The following DST variants were observed in gnomAD, a reference collection of about 807,000 sequenced individuals.
The protein encoded by DST is dystonin, also known as bullous pemphigoid antigen.
DST carries 253 observed loss-of-function variants against 875.2 expected under a neutral mutation model. That is an observed-to-expected ratio of 0.29 (90% CI 0.26 to 0.32). DST has a LOEUF of 0.32. Ranked by LOEUF, DST falls within the 10% of genes least tolerant of loss-of-function variation. DST has a pLI of 1.00. For missense variants in DST, 8,287 were observed against 9,111.6 expected (o/e 0.91, Z 3.68); for synonymous variants, 3,124 against 3,197.1 (o/e 0.98, Z 0.77).
intron 9 of DST, among the ~76,000 whole-genome samples, chr6:56,691,339 T>C (rs1160483496): frequency 6.6e-6 from 1 of 152,142 alleles, no homozygotes; most frequent in African/African-American, 2.4e-5. Context: ...ACAGAACTGA[T>C]GGCATAATAT....
intron 4 of DST, among the ~76,000 whole-genome samples, chr6:56,815,296 T>C (rs935095226): frequency 1.3e-5 from 2 of 152,136 alleles, no homozygotes; most frequent in Non-Finnish European, 2.9e-5. Context: ...ATGTGCAGTA[T>C]ATATAAGACT....
intron 5 of DST, among the ~76,000 whole-genome samples, chr6:56,712,039 C>A (rs1009671611): frequency 7.0e-6 from 1 of 143,644 alleles, no homozygotes; most frequent in Non-Finnish European, 1.5e-5. Flanking sequence ...TGCAGTGAGC[C>A]GAGATCCCGC....
chr6:56,562,482 TTG>T (rs1411581015), intron 55 of DST, among the ~76,000 whole-genome samples: 1 of 151,790 alleles, frequency 6.6e-6, no homozygotes, highest in African/African-American at 2.4e-5. Flanking sequence ...TGAAGTTGCT[TTG>T]TGTTTTATCC....
chr6:56,691,749 T>G (rs1205925822), intron 9 of DST, among the ~76,000 whole-genome samples: 1 of 152,178 alleles, frequency 6.6e-6, no homozygotes, highest in South Asian at 2.1e-4. Flanking sequence ...TTCCTAGTAG[T>G]CTGTGTCATT....
At chr6:56,832,043 G>A (rs76758215) in intron 4 of DST, among the ~76,000 whole-genome samples, 3,797 of 152,194 alleles carry the variant, frequency 0.025, 176 homozygotes, top group African/African-American at 0.087. Context: ...TATAAGTACA[G>A]GTCTTTTTCC....
intron 4 of DST, among the ~76,000 whole-genome samples, chr6:56,788,592 T>C (rs1363969728): frequency 6.6e-6 from 1 of 152,236 alleles, no homozygotes; most frequent in Non-Finnish European, 1.5e-5. Flanking sequence ...AAGAGAAATA[T>C]TTTGTTACAG....
Position 56,625,233 on chromosome 6 carries a change from G to T in DST, c.4754C>A (p.Ala1585Asp). 1 of 1,612,926 alleles carries T rather than the reference G, an allele frequency of 6.2e-7. No homozygotes were observed. Among genetic ancestry groups the T allele is most frequent in the Non-Finnish European group, 8.5e-7 (1 of 1,179,134 alleles). The change falls in exon 35 of 104, where the codon GCC (alanine) becomes GAC (aspartate). Residue 1585 changes from alanine to aspartate, a missense_variant. By Grantham distance (126) the Ala-to-Asp change is moderately radical (BLOSUM62 -2). This residue lies in a region of DST where 3,138 missense variants were observed against 3,116.6 expected (regional missense o/e 1.01). Coordinates refer to ENST00000680361, the MANE Select transcript of DST (RefSeq NM_001374736.1). ...DYELQTMTYR[A>D]MVDSQQKSPV... is the part of the protein sequence containing the mutation. ...AGATTTTTGTTGTGAATCTACCATG[G>T]CCCGGTAGGTCATTGTTTGTAATTC...
At chr6:56,646,254 A>G (rs1449898255) in intron 13 of DST, 72 bp from the exon 14 acceptor site, 3 of 836,916 alleles carry the variant, frequency 3.6e-6, no homozygotes, top group East Asian at 5.4e-5. Context: ...CTAAGCCACC[A>G]CTTCAAGTGT....
chr6:56,682,624 C>T (rs1238997681), intron 9 of DST, among the ~76,000 whole-genome samples: 1 of 152,142 alleles, frequency 6.6e-6, no homozygotes, highest in Admixed American at 6.5e-5. Flanking sequence ...TGAGAATCTG[C>T]AAGGAGGGAA....
intron 10 of DST, among the ~76,000 whole-genome samples, chr6:56,669,632 C>T (rs1204187657): frequency 1.3e-5 from 2 of 150,968 alleles, no homozygotes; most frequent in Non-Finnish European, 2.9e-5. Context: ...ATATAATTTT[C>T]AATAAATACT....
chr6:56,507,259 A>C, intron 75 of DST, among the ~76,000 whole-genome samples: 1 of 152,228 alleles, frequency 6.6e-6, no homozygotes, highest in East Asian at 1.9e-4. Context: ...GTAAGGTACA[A>C]AGATACCACA....
At position 56,603,793 on chromosome 6, in the gene DST, G is replaced by T. The variant is rs1168042841; in HGVS notation, c.10791+44C>A. The T allele has an allele frequency of 5.7e-6, 9 of 1,582,906 alleles. No homozygotes were observed. In the African/African-American group the frequency reaches 9.6e-5, roughly 17 times the overall value. ...CAAATGTATGGGATTATTCTCACAT[G>T]GTTCATGCAGCTTTTTCTGTATAAA... is the stretch of plus-strand genomic sequence containing the variant. On this transcript the variant is annotated intron_variant, in intron 40 of 103. Transcript: ENST00000680361.
rs769210650 is a variant in DST at position 56,573,866 on chromosome 6, T to C, written c.13049A>G (p.Glu4350Gly). Residue 4350 changes from glutamate (E) to glycine (G), a missense_variant, in exon 51 of 104, where the codon GAG becomes GGG. Physicochemically the swap from Glu to Gly is moderately conservative, Grantham distance 98. Transcript: ENST00000680361. ...TTCATTAACAGACTTGGACAGATCCTCATATCTCCCAACAATGTCATCTAC... is the reference window on the plus strand; with the variant it reads ...TTCATTAACAGACTTGGACAGATCCCCATATCTCCCAACAATGTCATCTAC... The part of the protein sequence containing the change: ...KTLDDIVGRY[E>G]DLSKSVNERN... 11 of 1,612,802 alleles carry C rather than the reference T, an allele frequency of 6.8e-6. No individual in the cohort carries two copies. Among genetic ancestry groups the C allele is most frequent in the African/African-American group, 1.3e-5 (1 of 74,898 alleles).
At chr6:56,858,773 GTA>G (rs1769375846) in intron 3 of DST, among the ~76,000 whole-genome samples, 1 of 152,142 alleles carries the variant, frequency 6.6e-6, no homozygotes, top group Admixed American at 6.5e-5. Context: ...TTTCAGTTTA[GTA>G]TATTCTATCC....
chr6:56,628,385 A>G (rs2098751314), intron 32 of DST, among the ~76,000 whole-genome samples: 1 of 152,340 alleles, frequency 6.6e-6, no homozygotes, highest in South Asian at 2.1e-4. Flanking sequence ...CAATTTAGTG[A>G]CAGTGATTAT....
intron 50 of DST, among the ~76,000 whole-genome samples, chr6:56,575,058 T>C (rs1033462271): frequency 1.4e-4 from 22 of 152,180 alleles, no homozygotes; most frequent in African/African-American, 5.3e-4. Flanking sequence ...GAGAAAATCA[T>C]GCTCCTCTTA....
At chr6:56,884,804 A>G (rs1000283891) in intron 3 of DST, among the ~76,000 whole-genome samples, 1 of 151,864 alleles carries the variant, frequency 6.6e-6, no homozygotes, top group Admixed American at 6.6e-5. Context: ...TCTCGGCTCA[A>G]TGCAAGCTCC....
chr6:56,896,621 A>G (rs1791435985), intron 3 of DST, among the ~76,000 whole-genome samples: 1 of 152,174 alleles, frequency 6.6e-6, no homozygotes, highest in Non-Finnish European at 1.5e-5. Flanking sequence ...CGCCAACATC[A>G]ACCATTTTTT....
chr6:56,483,304 G>C (rs770101973), intron 88 of DST, among the ~76,000 whole-genome samples: 3 of 152,126 alleles, frequency 2.0e-5, no homozygotes, highest in Non-Finnish European at 1.5e-5. Context: ...ACTACTCTAA[G>C]AGATGTATCT....
Sources: allele counts gnomAD v4.1 joint callset (sites outside exome capture counted in the v4.1 genomes callset), GRCh38; gene constraint gnomAD v4.1.1; regional missense constraint gnomAD v4.1.1; transcripts MANE v1.5; gene names NCBI Gene and HGNC (gene_info 2026-07-23, HGNC 2026-07-21).